Variants in SLC25A51 observed in about 807,000 individuals in gnomAD.
The protein encoded by SLC25A51 is solute carrier family 25 member 51, also known as mitochondrial nicotinamide adenine dinucleotide transporter SLC25A51.
Under a neutral mutation model 19.1 loss-of-function variants are expected in SLC25A51, and 11 were observed. The ratio of observed to expected loss-of-function variants is 0.58; its 90% CI spans 0.36 to 0.96. The LOEUF (loss-of-function observed/expected upper bound fraction) is 0.96, where lower values mean the gene tolerates loss of function less well. Ranked by LOEUF, SLC25A51 falls within the 40% of genes least tolerant of loss-of-function variation. The pLI, the probability that SLC25A51 is intolerant of heterozygous loss-of-function variation, is 0.01. For missense variants in SLC25A51, 201 were observed against 365.4 expected (o/e 0.55, Z 3.67); for synonymous variants, 105 against 133.6 (o/e 0.79, Z 1.47).
intron 2 of SLC25A51, among the ~76,000 whole-genome samples, chr9:37,889,162 CGT>C (rs1174119041): frequency 6.6e-6 from 1 of 152,156 alleles, no homozygotes; most frequent in Non-Finnish European, 1.5e-5. Context: ...TAGACTAGTT[CGT>C]AATTACTGAC....
intron 2 of SLC25A51, among the ~76,000 whole-genome samples, chr9:37,891,135 A>G (rs902331691): frequency 2.0e-5 from 3 of 152,248 alleles, no homozygotes; most frequent in African/African-American, 7.2e-5. Flanking sequence ...ACACACAACC[A>G]TAATTTTCCT....
intron 2 of SLC25A51, among the ~76,000 whole-genome samples, chr9:37,898,546 A>T (rs1831772479): frequency 7.0e-6 from 1 of 143,162 alleles, no homozygotes; most frequent in Admixed American, 7.1e-5. Flanking sequence ...CAAGAGTGAA[A>T]CTCCATCTCA....
At chr9:37,891,898 TA>T (rs5897706) in intron 2 of SLC25A51, among the ~76,000 whole-genome samples, 34,087 of 112,850 alleles carry the variant, frequency 0.3, 4,489 homozygotes, top group East Asian at 0.37. Context: ...ACAACTACTT[TA>T]AAAAAAAAAA....
chr9:37,896,050 G>A (rs1831707445), intron 2 of SLC25A51, among the ~76,000 whole-genome samples: 1 of 152,132 alleles, frequency 6.6e-6, no homozygotes, highest in South Asian at 2.1e-4. Context: ...CTGGCCTCAA[G>A]TGACCTGCCT....
downstream of SLC25A51, chr9:37,886,075 GAC>G: frequency 5.7e-6 from 9 of 1,587,306 alleles, no homozygotes; most frequent in South Asian, 9.9e-5. Flanking sequence ...TAAATTTTGG[GAC>G]GGTGGATGCT....
At chr9:37,892,146 CAG>C (rs2118338079) in intron 2 of SLC25A51, among the ~76,000 whole-genome samples, 1 of 152,208 alleles carries the variant, frequency 6.6e-6, no homozygotes, top group South Asian at 2.1e-4. Context: ...GTACCTATGT[CAG>C]GGGAGATAAG....
At chr9:37,886,360 G>A (rs1378548469), downstream of SLC25A51, 1 of 1,610,578 alleles carries the variant, frequency 6.2e-7, no homozygotes, top group Non-Finnish European at 8.5e-7. Context: ...CCACCACAGT[G>A]TCAGATGGGG....
chr9:37,888,843 C>T (rs1831519329), intron 2 of SLC25A51, among the ~76,000 whole-genome samples: 1 of 152,170 alleles, frequency 6.6e-6, no homozygotes. Flanking sequence ...ATCAAAATGA[C>T]TTATCACAAC....
chr9:37,899,988 CTTTTTTTTTTTTTTTTT>C (rs35821924), intron 1 of SLC25A51, 38 bp from the exon 2 acceptor site: 2 of 57,072 alleles, frequency 3.5e-5, no homozygotes, highest in African/African-American at 7.1e-5. Context: ...TTTATATAGC[CTTTTTTTTTTTTTTTTT>C]TTTTTTTTTT....
downstream of SLC25A51, among the ~76,000 whole-genome samples, chr9:37,883,305 C>A (rs1016509845): frequency 6.6e-6 from 1 of 152,144 alleles, no homozygotes; most frequent in Non-Finnish European, 1.5e-5. Flanking sequence ...TAGGACAACA[C>A]AAAACCATCC....
Position 37,888,206 on chromosome 9 carries a change from A to G in SLC25A51, c.345T>C (p.Ala115=), listed in dbSNP as rs1311183017. 6.2e-7 allele frequency: 1 copy of G among 1,614,016 alleles called. No homozygotes were observed. Among genetic ancestry groups the G allele is most frequent in the African/African-American group, 1.3e-5 (1 of 74,926 alleles). ...CCACGCCACTGGTTGCAAACTCTGG[A>G]GCACTGACATGCTTGTGGAGAAGGC... ...LSCLLHKHVS[A]PEFATSGVAA... The change falls in exon 3 of 3, where the codon GCT becomes GCC. Residue 115 remains alanine (A), a synonymous_variant. Coordinates refer to ENST00000242275, the MANE Select transcript of SLC25A51 (RefSeq NM_033412.4).
At chr9:37,903,585 A>G (rs566428706) in intron 1 of SLC25A51, 1 of 152,412 alleles carries the variant, frequency 6.6e-6, no homozygotes, top group South Asian at 2.1e-4. Flanking sequence ...GGGGTTGGAC[A>G]AGATCACTAA....
At chr9:37,879,526 C>T (rs1346255857) in exon 4 of SLC25A51, 1 of 155,352 alleles carries the variant, frequency 6.4e-6, no homozygotes, top group Admixed American at 6.5e-5. Flanking sequence ...GGGAAAACTA[C>T]AAATTTCTAA....
At chr9:37,893,147 G>A (rs1412454021) in intron 2 of SLC25A51, among the ~76,000 whole-genome samples, 1 of 152,104 alleles carries the variant, frequency 6.6e-6, no homozygotes, top group East Asian at 1.9e-4. Context: ...CAAGGTGCTG[G>A]GATTACAGGT....
intron 1 of SLC25A51, among the ~76,000 whole-genome samples, chr9:37,901,100 C>T (rs1396248827): frequency 6.6e-6 from 1 of 151,154 alleles, no homozygotes; most frequent in East Asian, 2.0e-4. Flanking sequence ...TCCTTGGGCT[C>T]ACATCATCTG....
chr9:37,881,015 A>G (rs564879468), intron 3 of SLC25A51, among the ~76,000 whole-genome samples: 2 of 152,326 alleles, frequency 1.3e-5, no homozygotes, highest in East Asian at 3.9e-4. Context: ...ATTTCAATCC[A>G]AAACAGGACT....
At chr9:37,880,410 A>G (rs1400142799) in exon 4 of SLC25A51, 8 of 152,100 alleles carry the variant, frequency 5.3e-5, no homozygotes, top group Non-Finnish European at 1.2e-4. Flanking sequence ...TTAAAATCAC[A>G]TATACTCATT....
At chr9:37,888,677 C>G in intron 2 of SLC25A51, 85 bp from the exon 3 acceptor site, 3 of 1,045,288 alleles carry the variant, frequency 2.9e-6, no homozygotes, top group Non-Finnish European at 4.1e-6. Flanking sequence ...CCTCTAATAT[C>G]TGGACACCAC....
downstream of SLC25A51, chr9:37,879,061 G>C (rs55742345): frequency 4.4e-3 from 1,566 of 353,298 alleles, 23 homozygotes; most frequent in African/African-American, 0.032. Context: ...TTCTACTTCT[G>C]ATCTTAATCA....
Sources: allele counts gnomAD v4.1 joint callset (sites outside exome capture counted in the v4.1 genomes callset), GRCh38; gene constraint gnomAD v4.1.1; transcripts MANE v1.5; gene names NCBI Gene and HGNC (gene_info 2026-07-23, HGNC 2026-07-21).